The following RNF170 variants were observed in gnomAD, a reference collection of about 807,000 sequenced individuals.
RNF170 encodes E3 ubiquitin-protein ligase RNF170.
RNF170 carries 12 observed loss-of-function variants against 32.7 expected under a neutral mutation model. That is an observed-to-expected ratio of 0.37 (90% confidence interval 0.24 to 0.60). The LOEUF (loss-of-function observed/expected upper bound fraction) is 0.60. Ranked by LOEUF, RNF170 falls within the 20% of genes least tolerant of loss-of-function variation. The pLI is 0.72. For synonymous variants in RNF170, 91 were observed against 103.6 expected (o/e 0.88, Z 0.74); for missense variants, 212 against 311.2 (o/e 0.68, Z 2.40).
rs184334729 is a variant in RNF170, at chr8:42,878,305, G to A, written c.138-4299C>T. The stretch of plus-strand genomic sequence containing the variant: ...GTGAAAAAGACATGTAAAAAGTCGA[G>A]CTAGGGCAAAAGTTGTGCTAGCTGG... On this transcript the variant is annotated intron_variant, in intron 2 of 6. Coordinates refer to ENST00000527424, the MANE Select transcript of RNF170 (RefSeq NM_030954.4). Among the ~76,000 whole-genome samples, 69 of 152,326 alleles carry A rather than the reference G, an allele frequency of 4.5e-4. No homozygotes were observed. The East Asian group carries it at 0.011, about 25-fold the overall frequency.
rs77693785 is a variant in RNF170 at position 42,891,624 on chromosome 8, T to C, written c.-7-3753A>G. Among the ~76,000 whole-genome samples the C allele has an allele frequency of 4.6e-3, 707 of 152,340 alleles. 4 individuals are homozygous for C. The highest frequency in any genetic ancestry group is 0.014 in the African/African-American group (600 of 41,566). ...TTTTGTCTATATAAACAATCCCAAA[T>C]GTCTATACTGACGAGCACTGACTTC... On this transcript the variant is annotated intron_variant, in intron 1 of 6. Coordinates refer to ENST00000527424, the MANE Select transcript of RNF170 (RefSeq NM_030954.4).
In RNF170 at chr8:42,856,059, A is replaced by G. The variant is rs766934297; in HGVS notation, c.*100T>C. 2 of 1,596,200 alleles carry G rather than the reference A, an allele frequency of 1.3e-6. No homozygotes were observed. The highest frequency in any genetic ancestry group is 1.7e-6 in the Non-Finnish European group (2 of 1,172,972). On this transcript the variant is annotated 3_prime_UTR_variant, in exon 7 of 7. Transcript: ENST00000527424. ...TATAGTGGTTTTATATTTGTGAGAT[A>G]ATACTCCATTGCTTCATTGCTTTAT...
At chr8:42,869,047 A>G (rs960005054) in intron 4 of RNF170, among the ~76,000 whole-genome samples, 5 of 152,030 alleles carry the variant, frequency 3.3e-5, no homozygotes, top group Non-Finnish European at 5.9e-5. Context: ...AGTAGCTGGG[A>G]TTGCACATGT....
chr8:42,855,780 T>C lies in RNF170; in HGVS notation c.*379A>G. ...AGCTATATATTATCATATAGGTACC[T>C]GCTGAGAAGGATAAGATGGATAAAC... On this transcript the variant is annotated 3_prime_UTR_variant, in exon 7 of 7. Coordinates refer to ENST00000527424, the MANE Select transcript of RNF170 (RefSeq NM_030954.4). The C allele has an allele frequency of 8.0e-7, 1 of 1,247,704 alleles. No individual in the cohort carries two copies. Among genetic ancestry groups the C allele is most frequent in the East Asian group, 5.6e-5 (1 of 17,838 alleles). 77.3% of individuals were successfully genotyped at this position (1,247,704 alleles called of 1,614,324 possible).
chr8:42,865,546 A>T, intron 4 of RNF170, 57 bp from the exon 5 acceptor site: 1 of 1,158,644 alleles, frequency 8.6e-7, no homozygotes, highest in Admixed American at 1.7e-5. Context: ...TTTAAAGTCC[A>T]CATATCCTCA....
Position 42,854,716 on chromosome 8 carries a change from A to G in RNF170, c.*1443T>C. 1 of 1,287,418 alleles carries G rather than the reference A, an allele frequency of 7.8e-7. No homozygotes were observed. The highest frequency in any genetic ancestry group is 1.0e-6 in the Non-Finnish European group (1 of 988,652). The allele number at this position is 1,287,418 out of a possible 1,614,324, so 79.7% of individuals were successfully genotyped here. A position where few individuals can be genotyped will look rare whatever the true frequency, so the allele number is the denominator to read the frequency against. The stretch of plus-strand genomic sequence containing the variant: ...ACTAATAAATTAATGGATGATATTA[A>G]TAGCAGTGATCTCAGATGACAATGC... On this transcript the variant is annotated 3_prime_UTR_variant, in exon 7 of 7. Coordinates refer to ENST00000527424, the MANE Select transcript of RNF170 (RefSeq NM_030954.4).
At chr8:42,871,697 G>A (rs1026710897) in intron 3 of RNF170, among the ~76,000 whole-genome samples, 11 of 151,896 alleles carry the variant, frequency 7.2e-5, no homozygotes, top group Admixed American at 1.3e-4. Flanking sequence ...TCAGCCTCTG[G>A]AGTAGCTGGG....
Position 42,870,062 on chromosome 8 carries a change from G to A in RNF170, c.264C>T (p.Pro88=). 1.9e-6 allele frequency: 3 copies of A among 1,614,134 alleles called. No homozygotes were observed. The highest frequency in any genetic ancestry group is 2.5e-6 in the Non-Finnish European group (3 of 1,180,014). ...GGAAGGAGGCTTGGTGCAGGCAGATGGGACAGTACATGTCAGTGTAGAACT... is the reference window on the plus strand; with the variant it reads ...GGAAGGAGGCTTGGTGCAGGCAGATAGGACAGTACATGTCAGTGTAGAACT... ...RQQFYTDMYC[P]ICLHQASFPV... Residue 88 remains proline (P), a synonymous_variant, in exon 4 of 7, where the codon CCC becomes CCT. Transcript: ENST00000527424.
rs1804409850 is a variant in RNF170, at chr8:42,870,067, A to G, written c.259T>C (p.Cys87Arg). ...GAGGCTTGGTGCAGGCAGATGGGAC[A>G]GTACATGTCAGTGTAGAACTGCTGT... ...TRQQFYTDMYCPICLHQASFP... is the reference protein window; with the variant it reads ...TRQQFYTDMYRPICLHQASFP... Residue 87 changes from cysteine (C) to arginine (R), a missense_variant, in exon 4 of 7, where the codon TGT (cysteine) becomes CGT (arginine). By Grantham distance (180) the Cys-to-Arg change is radical. This residue lies in a region of RNF170 where 115 missense variants were observed against 132.3 expected (regional missense o/e 0.87). Coordinates refer to ENST00000527424, the MANE Select transcript of RNF170 (RefSeq NM_030954.4). 2 of 1,614,082 alleles carry G rather than the reference A, an allele frequency of 1.2e-6. No homozygotes were observed. The highest frequency in any genetic ancestry group is 1.7e-6 in the Non-Finnish European group (2 of 1,180,034).
intron 6 of RNF170, 22 bp from the exon 7 acceptor site, chr8:42,856,450 AT>A: frequency 6.5e-7 from 1 of 1,544,430 alleles, no homozygotes; most frequent in Middle Eastern, 1.7e-4. Context: ...AAAAACAAGT[AT>A]TATGATTCAG....
intron 1 of RNF170, 128 bp downstream of exon 1, chr8:42,896,356 G>A (rs1444772165): frequency 1.4e-5 from 6 of 418,044 alleles, no homozygotes; most frequent in Non-Finnish European, 2.8e-5. Flanking sequence ...CCGGGGGGAA[G>A]GAGGCGGCGA....
chr8:42,855,862 A>T lies in RNF170; in HGVS notation c.*297T>A. On this transcript the variant is annotated 3_prime_UTR_variant, in exon 7 of 7. Transcript: ENST00000527424. ...ATTAATCTAAGTAATTCTGGGGAAA[A>T]GAAAAATATATAAAAGCATCCCTTT... is the stretch of plus-strand genomic sequence containing the variant. 2 of 1,199,526 alleles carry T rather than the reference A, an allele frequency of 1.7e-6. No individual in the cohort carries two copies. The highest frequency in any genetic ancestry group is 2.2e-6 in the Non-Finnish European group (2 of 924,684). The allele number at this position is 1,199,526 out of a possible 1,614,324, so 74.3% of individuals were successfully genotyped here. A position where few individuals can be genotyped will look rare whatever the true frequency, so the allele number is the denominator to read the frequency against.
At position 42,855,162 on chromosome 8, in the gene RNF170, A is replaced by T. The variant is rs1803153032; in HGVS notation, c.*997T>A. 1 of 1,286,294 alleles carries T rather than the reference A, an allele frequency of 7.8e-7. No homozygotes were observed. The highest frequency in any genetic ancestry group is 1.0e-6 in the Non-Finnish European group (1 of 988,490). The allele number at this position is 1,286,294 out of a possible 1,614,324, so 79.7% of individuals were successfully genotyped here. A position where few individuals can be genotyped will look rare whatever the true frequency, so the allele number is the denominator to read the frequency against. ...TTACTTTTATATCTACTACGAAAGG[A>T]TGAGCTCTTGTTTAAATGTCTAACT... On this transcript the variant is annotated 3_prime_UTR_variant, in exon 7 of 7. Transcript: ENST00000527424.
intron 2 of RNF170, among the ~76,000 whole-genome samples, chr8:42,880,211 T>C (rs918122881): frequency 3.9e-5 from 6 of 152,190 alleles, no homozygotes; most frequent in African/African-American, 1.4e-4. Flanking sequence ...TTCCTATGGA[T>C]GAGCAAAAGA....
At position 42,854,316 on chromosome 8, in the gene RNF170, C is replaced by T. The variant is rs1319736569; in HGVS notation, c.*1843G>A. ...TTCACGTCTATCTAAACATTCTATG[C>T]AGGAGTCCTACTAAGAAATTTTGGT... On this transcript the variant is annotated 3_prime_UTR_variant, in exon 7 of 7. Coordinates refer to ENST00000527424, the MANE Select transcript of RNF170 (RefSeq NM_030954.4). 2 of 1,287,078 alleles carry T rather than the reference C, an allele frequency of 1.6e-6. No individual in the cohort carries two copies. The highest frequency in any genetic ancestry group is 2.0e-6 in the Non-Finnish European group (2 of 988,698). 79.7% of individuals were successfully genotyped at this position (1,287,078 alleles called of 1,614,324 possible).
intron 3 of RNF170, among the ~76,000 whole-genome samples, chr8:42,871,170 G>A (rs149683174): frequency 1.3e-3 from 197 of 151,844 alleles, no homozygotes; most frequent in African/African-American, 4.2e-3. Flanking sequence ...AGATCACACC[G>A]CTATACTCCT....
chr8:42,866,000 G>C (rs1804054760), intron 4 of RNF170, among the ~76,000 whole-genome samples: 1 of 152,006 alleles, frequency 6.6e-6, no homozygotes, highest in African/African-American at 2.4e-5. Context: ...AAACCTCCAA[G>C]TTAAGCTACA....
In RNF170 at chr8:42,881,770, A is replaced by G. The variant is rs140272804; in HGVS notation, c.137+5958T>C. Reference sequence around the variant, plus strand: ...GGCAACATGGTGAAACACTGTTTCTACAAAAAATACAAAAATTAGTTGGGC... The same window carrying G: ...GGCAACATGGTGAAACACTGTTTCTGCAAAAAATACAAAAATTAGTTGGGC... On this transcript the variant is annotated intron_variant, in intron 2 of 6. Coordinates refer to ENST00000527424, the MANE Select transcript of RNF170 (RefSeq NM_030954.4). Among the ~76,000 whole-genome samples, 310 of 152,242 alleles carry G rather than the reference A, an allele frequency of 2.0e-3. 2 individuals are homozygous for G. The highest frequency in any genetic ancestry group is 0.014 in the Middle Eastern group (4 of 294).
intron 2 of RNF170, among the ~76,000 whole-genome samples, chr8:42,876,103 C>T (rs532233799): frequency 6.6e-5 from 10 of 151,828 alleles, no homozygotes; most frequent in South Asian, 6.2e-4. Flanking sequence ...GAAAAAAAAT[C>T]GTGATGACAT....
Sources: gnomAD v4.1 joint callset for allele counts (sites outside exome capture counted in the v4.1 genomes callset) on GRCh38, gnomAD v4.1.1 for gene constraint, gnomAD v4.1.1 regional missense constraint, MANE v1.5 for transcripts, NCBI Gene and HGNC (gene_info 2026-07-23, HGNC 2026-07-21) for gene names.